The following TP63 variants were observed in gnomAD, a reference collection of about 807,000 sequenced individuals.
TP63 encodes tumor protein 63.
Under a neutral mutation model 82.8 loss-of-function variants are expected in TP63, and 17 were observed. The ratio of observed to expected loss-of-function variants is 0.21; its 90% CI spans 0.14 to 0.31. TP63 has a LOEUF of 0.31. Ranked by LOEUF, TP63 falls within the 10% of genes least tolerant of loss-of-function variation. The pLI is 1.00. For synonymous variants in TP63, 330 were observed against 321.7 expected (o/e 1.03, Z -0.28); for missense variants, 648 against 895.3 (o/e 0.72, Z 3.52).
chr3:189,714,014 A>C (rs1393087266), intron 1 of TP63, among the ~76,000 whole-genome samples: 1 of 152,164 alleles, frequency 6.6e-6, no homozygotes, highest in Non-Finnish European at 1.5e-5. Context: ...TTGATCCTTA[A>C]CACATCTGAA....
chr3:189,784,261 G>A (rs1308836550), intron 3 of TP63, among the ~76,000 whole-genome samples: 1 of 152,036 alleles, frequency 6.6e-6, no homozygotes. Flanking sequence ...ATCCAGGTAA[G>A]TGGTAAAATA....
At chr3:189,888,622 T>C (rs1309409718) in intron 11 of TP63, among the ~76,000 whole-genome samples, 1 of 152,238 alleles carries the variant, frequency 6.6e-6, no homozygotes, top group Non-Finnish European at 1.5e-5. Flanking sequence ...TTGTTCTTTT[T>C]GACATGAAGG....
intron 10 of TP63, among the ~76,000 whole-genome samples, chr3:189,873,838 T>C (rs1383574215): frequency 6.6e-6 from 1 of 152,168 alleles, no homozygotes; most frequent in Non-Finnish European, 1.5e-5. Context: ...ATATGTGTCC[T>C]GGAAGTATTG....
chr3:189,819,566 C>T (rs1728572829), intron 4 of TP63, among the ~76,000 whole-genome samples: 1 of 151,800 alleles, frequency 6.6e-6, no homozygotes, highest in African/African-American at 2.4e-5. Flanking sequence ...TTATAAAATG[C>T]TTTTGTCTAA....
chr3:189,826,912 A>C (rs779656848), intron 4 of TP63, among the ~76,000 whole-genome samples: 1 of 152,208 alleles, frequency 6.6e-6, no homozygotes, highest in Non-Finnish European at 1.5e-5. Flanking sequence ...TGGAAGGTAC[A>C]CATTGAAGAA....
chr3:189,788,839 G>A (rs970467325), intron 3 of TP63, among the ~76,000 whole-genome samples: 3 of 151,388 alleles, frequency 2.0e-5, no homozygotes, highest in African/African-American at 2.4e-5. Context: ...ATCACGTGCA[G>A]TAATCATTTT....
the TP63 span, among the ~76,000 whole-genome samples, chr3:189,620,607 A>G: frequency 2.0e-5 from 3 of 152,242 alleles, no homozygotes; most frequent in South Asian, 6.2e-4. Flanking sequence ...AAGCCATTTC[A>G]AGGAAGATTT....
intron 1 of TP63, among the ~76,000 whole-genome samples, chr3:189,668,440 T>C (rs1444770296): frequency 6.6e-6 from 1 of 151,866 alleles, no homozygotes; most frequent in African/African-American, 2.4e-5. Context: ...AACAGAGACA[T>C]GAAAAATATA....
At chr3:189,680,552 A>G (rs1392191294) in intron 1 of TP63, among the ~76,000 whole-genome samples, 1 of 152,192 alleles carries the variant, frequency 6.6e-6, no homozygotes, top group Non-Finnish European at 1.5e-5. Flanking sequence ...CAAGCAAACC[A>G]AATTCAACAA....
chr3:189,845,204 G>A (rs1255837911), intron 4 of TP63, among the ~76,000 whole-genome samples: 6 of 152,130 alleles, frequency 3.9e-5, no homozygotes. Flanking sequence ...ATTTGAGATA[G>A]TACAGACAAC....
chr3:189,660,835 G>A (rs1713814428), intron 1 of TP63, among the ~76,000 whole-genome samples: 1 of 59,102 alleles, frequency 1.7e-5, no homozygotes, highest in African/African-American at 3.8e-5. Flanking sequence ...TTGTAAATGG[G>A]ATTGCATTCT....
chr3:189,885,045 A>G (rs541535028), intron 10 of TP63, among the ~76,000 whole-genome samples: 21 of 152,210 alleles, frequency 1.4e-4, no homozygotes, highest in Non-Finnish European at 3.1e-4. Context: ...TGAATTATAC[A>G]TATATATGCA....
chr3:189,817,473 T>C (rs1056039574), intron 4 of TP63, among the ~76,000 whole-genome samples: 6 of 152,138 alleles, frequency 3.9e-5, no homozygotes, highest in Admixed American at 6.5e-5. Flanking sequence ...GTATTATAAT[T>C]TTTACTTGGC....
chr3:189,737,292 A>G (rs774130811), intron 1 of TP63, among the ~76,000 whole-genome samples: 10 of 152,140 alleles, frequency 6.6e-5, no homozygotes, highest in Non-Finnish European at 1.3e-4. Flanking sequence ...TTCTGAGTTC[A>G]TTTCTGTTTC....
chr3:189,695,997 AT>A (rs1033411413), intron 1 of TP63, among the ~76,000 whole-genome samples: 1 of 152,110 alleles, frequency 6.6e-6, no homozygotes, highest in African/African-American at 2.4e-5. Flanking sequence ...TAGTGAGAAT[AT>A]TTTATCACAC....
intron 4 of TP63, among the ~76,000 whole-genome samples, chr3:189,834,318 G>C (rs1337843268): frequency 6.6e-6 from 1 of 152,192 alleles, no homozygotes; most frequent in Non-Finnish European, 1.5e-5. Flanking sequence ...TACTGGCACT[G>C]ACAGTGCTTT....
chr3:189,805,686 G>A (rs1726808539), intron 3 of TP63, among the ~76,000 whole-genome samples: 1 of 152,198 alleles, frequency 6.6e-6, no homozygotes, highest in Non-Finnish European at 1.5e-5. Flanking sequence ...GTGCAAAGGA[G>A]CATGGCTTAT....
chr3:189,641,083 G>A (rs78167181), intron 1 of TP63, among the ~76,000 whole-genome samples: 10,300 of 152,022 alleles, frequency 0.068, 467 homozygotes, highest in Middle Eastern at 0.2. Context: ...ATTTGGTTGG[G>A]GGGACAAGGA....
the TP63 span, among the ~76,000 whole-genome samples, chr3:189,600,675 T>C: frequency 6.6e-6 from 1 of 152,330 alleles, no homozygotes; most frequent in Admixed American, 6.5e-5. Context: ...TTCTAATTAA[T>C]GTTCGATCTA....
Sources: allele counts gnomAD v4.1 joint callset (sites outside exome capture counted in the v4.1 genomes callset), GRCh38; gene constraint gnomAD v4.1.1; transcripts MANE v1.5; gene names NCBI Gene and HGNC (gene_info 2026-07-23, HGNC 2026-07-21).